Variants in BEAN1 observed in about 807,000 individuals in gnomAD.
BEAN1 encodes brain expressed associated with NEDD4 1.
In BEAN1, 17 loss-of-function variants were observed where a neutral mutation model predicts 17.7. That is an observed-to-expected ratio of 0.96 (90% confidence interval 0.66 to 1.44). BEAN1 has a LOEUF of 1.44. Among genes scored for constraint, BEAN1 ranks in the 40% most tolerant of loss-of-function variants. BEAN1 has a pLI of 0.00. For synonymous variants in BEAN1, 142 were observed against 151.8 expected (o/e 0.94, Z 0.47); for missense variants, 359 against 374.1 (o/e 0.96, Z 0.33).
chr16:66,477,525 G>A (rs781454258), intron 3 of BEAN1, 35 bp from the exon 4 acceptor site: 36 of 1,499,408 alleles, frequency 2.4e-5, no homozygotes, highest in Non-Finnish European at 3.2e-5. Context: ...CTGGATCCTG[G>A]TCTGAGGCCC....
intron 4 of BEAN1, among the ~76,000 whole-genome samples, chr16:66,478,529 G>A (rs763584347): frequency 3.3e-5 from 5 of 152,334 alleles, no homozygotes; most frequent in South Asian, 2.1e-4. Context: ...TTGAACCCGG[G>A]AGGCGGAGGT....
intron 2 of BEAN1, among the ~76,000 whole-genome samples, chr16:66,467,553 C>T (rs1963301154): frequency 6.6e-6 from 1 of 152,164 alleles, no homozygotes; most frequent in African/African-American, 2.4e-5. Context: ...CTGCCCTTAA[C>T]ACGTGGGGAT....
At chr16:66,457,523 C>A (rs1403080048) in intron 2 of BEAN1, among the ~76,000 whole-genome samples, 3 of 152,112 alleles carry the variant, frequency 2.0e-5, no homozygotes, top group Non-Finnish European at 2.9e-5. Context: ...GTCTGAACAC[C>A]AAGTATCCTT....
intron 2 of BEAN1, among the ~76,000 whole-genome samples, chr16:66,461,583 C>G (rs1039277291): frequency 3.4e-5 from 4 of 116,434 alleles, no homozygotes; most frequent in African/African-American, 1.4e-4. Flanking sequence ...CACACACACA[C>G]ACACACACAC....
In BEAN1 at chr16:66,441,734, C is replaced by T. The variant is rs758749210; in HGVS notation, c.25+4033C>T. Among the ~76,000 whole-genome samples, 12 of 152,286 alleles carry T rather than the reference C, an allele frequency of 7.9e-5. No individual in the cohort carries two copies. In the East Asian group the frequency reaches 9.7e-4, roughly 12 times the overall value. On this transcript the variant is annotated intron_variant, in intron 2 of 4. Transcript: ENST00000536005. ...ACCAAGTGCAAGGTGGCAAGGTGAG[C>T]GGCACCAGCCCACCTGTAACCCAGG...
At chr16:66,464,787 A>G (rs919820246) in intron 2 of BEAN1, among the ~76,000 whole-genome samples, 1 of 152,214 alleles carries the variant, frequency 6.6e-6, no homozygotes, top group Non-Finnish European at 1.5e-5. Context: ...TATTAGTTCT[A>G]ATAGTTTTTT....
intron 4 of BEAN1, among the ~76,000 whole-genome samples, chr16:66,489,445 T>C (rs1964135528): frequency 6.6e-6 from 1 of 152,144 alleles, no homozygotes; most frequent in African/African-American, 2.4e-5. Flanking sequence ...CCCTGGGCCT[T>C]ACCTGTGTCT....
intron 1 of BEAN1, among the ~76,000 whole-genome samples, chr16:66,433,199 C>T (rs1011248254): frequency 3.3e-5 from 5 of 152,160 alleles, no homozygotes; most frequent in Admixed American, 6.5e-5. Flanking sequence ...ACCCCCACCT[C>T]CCGGGTTCAA....
intron 2 of BEAN1, among the ~76,000 whole-genome samples, chr16:66,440,128 T>G (rs1418886411): frequency 7.1e-6 from 1 of 141,078 alleles, no homozygotes; most frequent in Non-Finnish European, 1.5e-5. Flanking sequence ...TACTTCTTTT[T>G]TTTTTTTTTT....
chr16:66,478,404 C>T (rs562980086), intron 4 of BEAN1, among the ~76,000 whole-genome samples: 2 of 151,834 alleles, frequency 1.3e-5, no homozygotes, highest in East Asian at 3.9e-4. Flanking sequence ...AGATCGAGAC[C>T]ATCCTGGCTA....
rs560628632 is a variant in BEAN1 at position 66,477,804 on chromosome 16, C to T, written c.440+94C>T. 6.0e-6 allele frequency: 8 copies of T among 1,332,352 alleles called. No homozygotes were observed. The East Asian group carries it at 2.2e-4, about 37-fold the overall frequency. 82.5% of individuals were successfully genotyped at this position (1,332,352 alleles called of 1,614,324 possible). ...ATCATGGGAAAGAGTGGCACCTCTGCATGTCGTATAAATGCAGAAAACATC... is the reference window on the plus strand; with the variant it reads ...ATCATGGGAAAGAGTGGCACCTCTGTATGTCGTATAAATGCAGAAAACATC... On this transcript the variant is annotated intron_variant, in intron 4 of 4. Transcript: ENST00000536005.
intron 2 of BEAN1, among the ~76,000 whole-genome samples, chr16:66,468,611 G>A (rs1402102810): frequency 6.6e-6 from 1 of 152,164 alleles, no homozygotes; most frequent in Non-Finnish European, 1.5e-5. Flanking sequence ...GCAACCATGG[G>A]CCAGTCACTT....
At chr16:66,454,825 C>T (rs1248549072) in intron 2 of BEAN1, among the ~76,000 whole-genome samples, 1 of 131,778 alleles carries the variant, frequency 7.6e-6, no homozygotes, top group Non-Finnish European at 1.5e-5. Context: ...GACAAAGAAA[C>T]AAGAAAGTGT....
intron 4 of BEAN1, among the ~76,000 whole-genome samples, chr16:66,489,725 G>A (rs745308234): frequency 4.6e-5 from 7 of 152,184 alleles, no homozygotes; most frequent in Non-Finnish European, 1.0e-4. Flanking sequence ...AGCAGAGACA[G>A]GGCTGTCTGC....
At chr16:66,432,101 C>G (rs1156627471) in intron 1 of BEAN1, among the ~76,000 whole-genome samples, 1 of 152,188 alleles carries the variant, frequency 6.6e-6, no homozygotes, top group African/African-American at 2.4e-5. Flanking sequence ...TTGAAGGCTG[C>G]CAAACACCTG....
chr16:66,441,798 G>A (rs915811440), intron 2 of BEAN1, among the ~76,000 whole-genome samples: 1 of 152,136 alleles, frequency 6.6e-6, no homozygotes, highest in African/African-American at 2.4e-5. Context: ...GGGGGAGCAG[G>A]CTTGTCCATC....
At chr16:66,469,956 G>C (rs1289579550) in intron 3 of BEAN1, 91 bp downstream of exon 3, 1 of 1,447,474 alleles carries the variant, frequency 6.9e-7, no homozygotes, top group African/African-American at 1.4e-5. Context: ...TCTGCCCTGG[G>C]TGGAGCAGGG....
At chr16:66,470,327 A>G (rs776544539) in intron 3 of BEAN1, among the ~76,000 whole-genome samples, 1 of 151,610 alleles carries the variant, frequency 6.6e-6, no homozygotes, top group Non-Finnish European at 1.5e-5. Context: ...GGATAGATGG[A>G]GGTTGAGTGG....
At chr16:66,469,979 C>T (rs181082707) in intron 3 of BEAN1, 114 bp downstream of exon 3, 2 of 1,382,950 alleles carry the variant, frequency 1.4e-6, no homozygotes, top group East Asian at 5.0e-5. Flanking sequence ...GTCGGGAAAG[C>T]ATCCTAGAAG....
Sources: allele counts gnomAD v4.1 joint callset (sites outside exome capture counted in the v4.1 genomes callset), GRCh38; gene constraint gnomAD v4.1.1; transcripts MANE v1.5; gene names NCBI Gene and HGNC (gene_info 2026-07-23, HGNC 2026-07-21).